GABRG3: variants seen among roughly 807,000 people sequenced by gnomAD.
GABRG3 encodes gamma-aminobutyric acid receptor subunit gamma-3.
GABRG3 carries 25 observed loss-of-function variants against 48.8 expected under a neutral mutation model. The observed-to-expected ratio is 0.51, with a 90% CI of 0.37 to 0.72. The LOEUF (loss-of-function observed/expected upper bound fraction) is 0.72, where lower values mean the gene tolerates loss of function less well. GABRG3 is among the 30% of genes least tolerant of loss of function. GABRG3 has a pLI of 0.00. For missense variants in GABRG3, 394 were observed against 577.9 expected (o/e 0.68, Z 3.26); for synonymous variants, 227 against 217.6 (o/e 1.04, Z -0.38).
intron 2 of GABRG3, among the ~76,000 whole-genome samples, chr15:27,022,871 C>G (rs1473503153): frequency 2.0e-5 from 3 of 152,166 alleles, no homozygotes; most frequent in Non-Finnish European, 2.9e-5. Flanking sequence ...AACAACCAAG[C>G]AAAGGTCTGC....
chr15:27,297,220 G>A lies in GABRG3; in HGVS notation c.271-29589G>A, dbSNP rs141747601. Among the ~76,000 whole-genome samples, 8 of 152,182 alleles carry A rather than the reference G, an allele frequency of 5.3e-5. No individual in the cohort carries two copies. The East Asian group carries it at 1.5e-3, about 29-fold the overall frequency. On this transcript the variant is annotated intron_variant, in intron 3 of 9. Coordinates refer to ENST00000615808, the MANE Select transcript of GABRG3 (RefSeq NM_033223.5). ...AAAAGAGTCAAAAAGTCAAAAGAAA[G>A]TTTATAAAGTAAAAGTGTTACAATT...
chr15:27,179,538 G>A lies in GABRG3; in HGVS notation c.271-147271G>A, dbSNP rs951023841. Reference sequence around the variant, plus strand: ...AAATTTATCATTTTCCCCATTGGTAGAGTATGAAAACTTTAAGCAAGAACT... The same window carrying A: ...AAATTTATCATTTTCCCCATTGGTAAAGTATGAAAACTTTAAGCAAGAACT... On this transcript the variant is annotated intron_variant, in intron 3 of 9. Transcript: ENST00000615808. The surrounding 1 kb of genome is among the most constrained non-coding windows in gnomAD (Gnocchi z 4.0). Among the ~76,000 whole-genome samples the A allele has an allele frequency of 2.0e-5, 3 of 152,170 alleles. No homozygotes were observed. Among genetic ancestry groups the A allele is most frequent in the Non-Finnish European group, 4.4e-5 (3 of 68,030 alleles).
chr15:27,021,510 G>A (rs1051469498), intron 2 of GABRG3, among the ~76,000 whole-genome samples: 1 of 152,156 alleles, frequency 6.6e-6, no homozygotes, highest in Non-Finnish European at 1.5e-5. Flanking sequence ...TGTATGTTAA[G>A]TTAATTTCCC....
intron 3 of GABRG3, among the ~76,000 whole-genome samples, chr15:27,248,803 C>CACACACACACAGAGAGAGAG (rs1377080195): frequency 5.4e-5 from 6 of 110,238 alleles, no homozygotes; most frequent in African/African-American, 2.3e-4. Flanking sequence ...CACACACACA[C>CACACACACACAGAGAGAGAG]AGAGAGAGAG....
At chr15:27,182,565 G>T (rs536685760) in intron 3 of GABRG3, among the ~76,000 whole-genome samples, 22 of 152,286 alleles carry the variant, frequency 1.4e-4, no homozygotes, top group Admixed American at 1.4e-3. Flanking sequence ...TCCGCTCCTG[G>T]TCTATAAAAT....
intron 3 of GABRG3, among the ~76,000 whole-genome samples, chr15:27,246,983 A>C (rs1194524804): frequency 6.6e-6 from 1 of 152,196 alleles, no homozygotes; most frequent in African/African-American, 2.4e-5. Flanking sequence ...TTATTTTTAT[A>C]AACAGGGTTC....
intron 5 of GABRG3, among the ~76,000 whole-genome samples, chr15:27,401,768 T>C (rs1421616567): frequency 1.3e-5 from 2 of 152,338 alleles, no homozygotes; most frequent in African/African-American, 2.4e-5. Flanking sequence ...TGAGAAAATA[T>C]CCCATATGGA....
At chr15:27,476,325 T>C (rs1304735473) in intron 5 of GABRG3, among the ~76,000 whole-genome samples, 1 of 151,928 alleles carries the variant, frequency 6.6e-6, no homozygotes, top group Admixed American at 6.6e-5. Flanking sequence ...TAATAGAAAC[T>C]ATCATTGGAG....
chr15:27,080,961 G>C (rs1896983052), intron 3 of GABRG3, among the ~76,000 whole-genome samples: 1 of 152,146 alleles, frequency 6.6e-6, no homozygotes, highest in East Asian at 1.9e-4. Context: ...TGGTGGGGAG[G>C]GGGACAGAGA....
chr15:27,151,178 T>C (rs1898304721), intron 3 of GABRG3, among the ~76,000 whole-genome samples: 1 of 152,164 alleles, frequency 6.6e-6, no homozygotes, highest in Non-Finnish European at 1.5e-5. Flanking sequence ...TAAAGATAGA[T>C]AGATCCTGTT....
At chr15:27,423,721 C>CTTTTTTTTTTTTT (rs542775399) in intron 5 of GABRG3, among the ~76,000 whole-genome samples, 3 of 81,788 alleles carry the variant, frequency 3.7e-5, no homozygotes, top group Admixed American at 1.4e-4. Context: ...TTTTCTTTTC[C>CTTTTTTTTTTTTT]TTTTTTTTTT....
chr15:27,309,776 A>G (rs954314208), intron 3 of GABRG3, among the ~76,000 whole-genome samples: 1 of 152,186 alleles, frequency 6.6e-6, no homozygotes, highest in East Asian at 1.9e-4. Context: ...ATAAATGCTA[A>G]TCTGTTCTAA....
chr15:27,087,799 A>T (rs1225477271), intron 3 of GABRG3, among the ~76,000 whole-genome samples: 1 of 145,308 alleles, frequency 6.9e-6, no homozygotes, highest in Non-Finnish European at 1.5e-5. Context: ...TATGAATGTG[A>T]TGTGTGTATA....
At chr15:27,233,062 TG>T (rs1889849142) in intron 3 of GABRG3, among the ~76,000 whole-genome samples, 1 of 151,460 alleles carries the variant, frequency 6.6e-6, no homozygotes, top group African/African-American at 2.4e-5. Context: ...GTGGAAGAGA[TG>T]GGGGCTTGGG....
rs892906857 is a variant in GABRG3, at chr15:27,319,747, G to T, written c.271-7062G>T. On this transcript the variant is annotated intron_variant, in intron 3 of 9. Coordinates refer to ENST00000615808, the MANE Select transcript of GABRG3 (RefSeq NM_033223.5). The surrounding 1 kb of genome is among the most constrained non-coding windows in gnomAD (Gnocchi z 4.4). ...CCATGGTGGCTATAGTAACGGGTTG[G>T]TTTGTAAGCAAGCACGATACACGGA... Among the ~76,000 whole-genome samples the T allele has an allele frequency of 6.6e-5, 10 of 152,124 alleles. No homozygotes were observed. Among genetic ancestry groups the T allele is most frequent in the Non-Finnish European group, 1.0e-4 (7 of 68,026 alleles).
At chr15:27,392,534 A>T (rs1031906602) in intron 5 of GABRG3, among the ~76,000 whole-genome samples, 70 of 152,180 alleles carry the variant, frequency 4.6e-4, no homozygotes, top group African/African-American at 1.3e-3. Context: ...TGATAACCTT[A>T]AACACCTGGC....
At chr15:27,072,205 C>G (rs2140735270) in intron 3 of GABRG3, among the ~76,000 whole-genome samples, 1 of 152,276 alleles carries the variant, frequency 6.6e-6, no homozygotes, top group South Asian at 2.1e-4. Context: ...AAACTCAAGC[C>G]TGCAAGGAAA....
intron 3 of GABRG3, among the ~76,000 whole-genome samples, chr15:27,188,190 G>A (rs1329447806): frequency 1.3e-5 from 2 of 152,270 alleles, no homozygotes; most frequent in East Asian, 1.9e-4. Context: ...AGAAACATAC[G>A]TGTGCATGTG....
chr15:27,382,885 A>G (rs556536730), intron 5 of GABRG3, among the ~76,000 whole-genome samples: 2 of 152,258 alleles, frequency 1.3e-5, no homozygotes, highest in Non-Finnish European at 2.9e-5. Flanking sequence ...TGCTTGGGGA[A>G]TAGTTGAAGT....
Sources: allele counts gnomAD v4.1 joint callset (sites outside exome capture counted in the v4.1 genomes callset), GRCh38; gene constraint gnomAD v4.1.1; non-coding constraint Gnocchi (gnomAD v3.1); transcripts MANE v1.5; gene names NCBI Gene and HGNC (gene_info 2026-07-23, HGNC 2026-07-21).